Variants in DAB1 observed in about 807,000 individuals in gnomAD.
DAB1 encodes DAB adaptor protein 1, also known as disabled homolog 1.
Under a neutral mutation model 64.6 loss-of-function variants are expected in DAB1, and 15 were observed. That is an observed-to-expected ratio of 0.23 (90% CI 0.16 to 0.36). The LOEUF is 0.36. Ranked by LOEUF, DAB1 falls within the 10% of genes least tolerant of loss-of-function variation. The pLI is 1.00. For missense variants in DAB1, 596 were observed against 706.7 expected (o/e 0.84, Z 1.78); for synonymous variants, 235 against 251.9 (o/e 0.93, Z 0.64).
intron 7 of DAB1, among the ~76,000 whole-genome samples, chr1:57,618,239 A>G (rs559857581): frequency 2.6e-5 from 4 of 152,156 alleles, no homozygotes; most frequent in African/African-American, 9.6e-5. Flanking sequence ...ACATGGTGAA[A>G]CCCCATCTCT....
intron 4 of DAB1, among the ~76,000 whole-genome samples, chr1:58,316,149 C>T (rs950095268): frequency 2.0e-5 from 3 of 152,192 alleles, no homozygotes; most frequent in African/African-American, 4.8e-5. Flanking sequence ...AAATTCAATA[C>T]AGGAACTGTG....
chr1:58,249,032 A>G (rs1660679962), intron 4 of DAB1, among the ~76,000 whole-genome samples: 2 of 152,176 alleles, frequency 1.3e-5, no homozygotes, highest in Non-Finnish European at 2.9e-5. Context: ...AAGGCGATTT[A>G]CAGGCAAGAG....
At chr1:57,948,223 C>T (rs1645213184) in intron 5 of DAB1, among the ~76,000 whole-genome samples, 1 of 152,190 alleles carries the variant, frequency 6.6e-6, no homozygotes, top group Non-Finnish European at 1.5e-5. Context: ...AAAGAAGACA[C>T]ATCGTGTAAC....
At position 57,666,769 on chromosome 1, in the gene DAB1, G is replaced by A. The variant is rs188138851; in HGVS notation, n.552-17104C>T. 4.5e-3 allele frequency among the ~76,000 whole-genome samples: 684 copies of A among 151,746 alleles called. 1 individual carries two copies. Among genetic ancestry groups the A allele is most frequent in the Non-Finnish European group, 6.3e-3 (431 of 67,962 alleles). The stretch of plus-strand genomic sequence containing the variant: ...CTTTCACCTTGATTATTGCAATAGC[G>A]TGCTTAGCAGTTTCCTGCAACTTAT... On this transcript the variant is annotated intron_variant and non_coding_transcript_variant, in intron 6 of 20. Transcript: ENST00000485760.
chr1:57,034,285 A>AAAAAAAAAAAAG (rs1206812459), intron 9 of DAB1, among the ~76,000 whole-genome samples: 1 of 151,460 alleles, frequency 6.6e-6, no homozygotes. Context: ...TTTCAAAAAA[A>AAAAAAAAAAAAG]AAAAAAGAAA....
intron 4 of DAB1, among the ~76,000 whole-genome samples, chr1:57,105,071 G>A (rs951017980): frequency 5.3e-5 from 8 of 152,142 alleles, no homozygotes; most frequent in Admixed American, 2.6e-4. Context: ...AGGAAAAACA[G>A]GGGTGAGGGT....
chr1:58,138,124 C>A (rs971511512), intron 5 of DAB1, among the ~76,000 whole-genome samples: 1 of 152,182 alleles, frequency 6.6e-6, no homozygotes. Context: ...TTGTTGAGCA[C>A]TAGCTATGCA....
intron 4 of DAB1, among the ~76,000 whole-genome samples, chr1:58,245,800 T>C (rs1168878477): frequency 1.3e-5 from 2 of 152,208 alleles, no homozygotes; most frequent in Admixed American, 6.5e-5. Flanking sequence ...CGTGTTCTAC[T>C]TATTTAAAAA....
rs1048689874 is a variant in DAB1, at chr1:57,489,385, C to T, written n.625+160207G>A. On this transcript the variant is annotated intron_variant and non_coding_transcript_variant, in intron 7 of 20. Coordinates refer to the DAB1 transcript ENST00000485760. Reference sequence around the variant, plus strand: ...GCTGTTGCACTGGGTCTACTAGATTCTCAAACTATCTCATTACAAAGAGGC... The same window carrying T: ...GCTGTTGCACTGGGTCTACTAGATTTTCAAACTATCTCATTACAAAGAGGC... Among the ~76,000 whole-genome samples, 22 of 152,286 alleles carry T rather than the reference C, an allele frequency of 1.4e-4. No homozygotes were observed. The Middle Eastern group carries it at 0.01, about 71-fold the overall frequency.
chr1:58,482,694 G>A (rs1645509136), intron 3 of DAB1, among the ~76,000 whole-genome samples: 1 of 152,048 alleles, frequency 6.6e-6, no homozygotes, highest in Non-Finnish European at 1.5e-5. Context: ...GTCAAGAGGG[G>A]GACAGACCTG....
intron 5 of DAB1, among the ~76,000 whole-genome samples, chr1:57,891,447 T>C (rs1644312217): frequency 6.6e-6 from 1 of 152,206 alleles, no homozygotes. Flanking sequence ...GAAGAAAGTG[T>C]GGTGATTGCT....
rs543144043 is a variant in DAB1, at chr1:57,562,695, C to A, written n.625+86897G>T. On this transcript the variant is annotated intron_variant and non_coding_transcript_variant, in intron 7 of 20. Transcript: ENST00000485760. ...ACCATCACCCCTAGTGATCCACTAG[C>A]AAAATTTTTGCTTCCTGTTCCCATG... is the stretch of plus-strand genomic sequence containing the variant. Among the ~76,000 whole-genome samples, 3 of 152,276 alleles carry A rather than the reference C, an allele frequency of 2.0e-5. No individual in the cohort carries two copies. In the South Asian group the frequency reaches 6.2e-4, roughly 32 times the overall value.
At chr1:58,425,031 A>G (rs750751575) in intron 3 of DAB1, among the ~76,000 whole-genome samples, 3 of 152,178 alleles carry the variant, frequency 2.0e-5, no homozygotes, top group Non-Finnish European at 4.4e-5. Context: ...TTGTCATTTT[A>G]TATCCCAGAA....
chr1:57,157,651 T>G (rs916425921), intron 2 of DAB1, among the ~76,000 whole-genome samples: 1 of 152,222 alleles, frequency 6.6e-6, no homozygotes, highest in South Asian at 2.1e-4. Flanking sequence ...CCATCATGAA[T>G]ACTCTACTTT....
intron 7 of DAB1, among the ~76,000 whole-genome samples, chr1:57,434,432 G>C (rs1685616332): frequency 6.6e-6 from 1 of 152,196 alleles, no homozygotes; most frequent in Admixed American, 6.5e-5. Flanking sequence ...ATCAAGAACA[G>C]GCAAAATAAA....
intron 1 of DAB1, among the ~76,000 whole-genome samples, chr1:57,311,616 T>C (rs1674714637): frequency 6.6e-6 from 1 of 152,144 alleles, no homozygotes; most frequent in Admixed American, 6.5e-5. Context: ...TTTATGGCCC[T>C]GGACCTTGCT....
At chr1:57,214,635 G>A (rs1666270449) in intron 2 of DAB1, among the ~76,000 whole-genome samples, 1 of 152,146 alleles carries the variant, frequency 6.6e-6, no homozygotes, top group Non-Finnish European at 1.5e-5. Context: ...AACAAGCCGG[G>A]CGCAGTGGCT....
chr1:57,419,493 TAAAA>T lies in DAB1; in HGVS notation c.-137+4433_-137+4436del, dbSNP rs201933527. Among the ~76,000 whole-genome samples, 16 of 131,702 alleles carry T rather than the reference TAAAA, an allele frequency of 1.2e-4. No individual in the cohort carries two copies. In the East Asian group the frequency reaches 3.2e-3, roughly 26 times the overall value. The allele number at this position is 131,702 out of a possible 152,430, so 86.4% of individuals were successfully genotyped here. A position where few individuals can be genotyped will look rare whatever the true frequency, so the allele number is the denominator to read the frequency against. ...AAATGTGTAAGGAAATATTTCCAAT[TAAAA>T]AAAAAAAAAAAAAACCTTTGCCTAA... On this transcript the variant is annotated intron_variant, in intron 1 of 14. Transcript: ENST00000371236.
At chr1:57,654,712 C>T (rs1371263703) in intron 6 of DAB1, among the ~76,000 whole-genome samples, 1 of 73,732 alleles carries the variant, frequency 1.4e-5, no homozygotes, top group African/African-American at 6.2e-5. Flanking sequence ...AAATAACTAA[C>T]TGTTTCATTT....
Sources: gnomAD v4.1 joint callset for allele counts (sites outside exome capture counted in the v4.1 genomes callset) on GRCh38, gnomAD v4.1.1 for gene constraint, MANE v1.5 for transcripts, NCBI Gene and HGNC (gene_info 2026-07-23, HGNC 2026-07-21) for gene names.